NDUFAF6: variants seen among roughly 807,000 people sequenced by gnomAD.
NDUFAF6 encodes NADH dehydrogenase (ubiquinone) complex I, assembly factor 6.
In NDUFAF6, 45 loss-of-function variants were observed where a neutral mutation model predicts 40.8. The observed-to-expected ratio is 1.10, with a 90% CI of 0.87 to 1.42. The LOEUF (loss-of-function observed/expected upper bound fraction) is 1.42, where lower values mean the gene tolerates loss of function less well. Among genes scored for constraint, NDUFAF6 ranks in the 40% most tolerant of loss-of-function variants. The probability of loss-of-function intolerance (pLI) is 0.00; values close to 1 mark genes in which losing one functional copy is unlikely to be tolerated. For missense variants in NDUFAF6, 435 were observed against 418.5 expected, an observed-to-expected ratio of 1.04 and a Z score of -0.34; for synonymous variants, 185 against 155.9, an observed-to-expected ratio of 1.19 and a Z score of -1.39.
chr8:94,994,574 C>A (rs2131625580), intron 2 of NDUFAF6, among the ~76,000 whole-genome samples: 2 of 152,084 alleles, frequency 1.3e-5, no homozygotes, highest in East Asian at 1.9e-4. Flanking sequence ...TGGCTCATGC[C>A]TGTAATTCCA....
At chr8:95,104,745 C>G (rs1809765549), downstream of NDUFAF6, among the ~76,000 whole-genome samples, 4 of 152,282 alleles carry the variant, frequency 2.6e-5, no homozygotes, top group South Asian at 8.3e-4. Context: ...CTCTGTGTTT[C>G]TTTTGTTATG....
At chr8:94,918,672 C>T (rs890696821) in intron 1 of NDUFAF6, among the ~76,000 whole-genome samples, 2 of 152,172 alleles carry the variant, frequency 1.3e-5, no homozygotes, top group African/African-American at 4.8e-5. Context: ...TTTGTATCCC[C>T]AGGTTCACCC....
rs188648072 is a variant in NDUFAF6, at chr8:94,964,664, C to T, written c.-199+6485C>T. On this transcript the variant is annotated intron_variant, in intron 1 of 9. Coordinates refer to the NDUFAF6 transcript ENST00000396111. ...GAGGTGCCAGCTTCCTTTAAACAACCAAATTTCATGTGCACTAATAGAATG... is the reference window on the plus strand; with the variant it reads ...GAGGTGCCAGCTTCCTTTAAACAACTAAATTTCATGTGCACTAATAGAATG... Among the ~76,000 whole-genome samples the T allele has an allele frequency of 7.2e-5, 11 of 152,136 alleles. No homozygotes were observed. In the East Asian group the frequency reaches 2.1e-3, roughly 29 times the overall value.
At chr8:95,007,236 GATAAA>G (rs1827030004) in intron 2 of NDUFAF6, among the ~76,000 whole-genome samples, 2 of 150,654 alleles carry the variant, frequency 1.3e-5, no homozygotes, top group African/African-American at 4.9e-5. Context: ...TTTTTAAAAT[GATAAA>G]ATAAGGTTTT....
chr8:95,117,429 T>C (rs963139685), downstream of NDUFAF6, among the ~76,000 whole-genome samples: 48 of 152,298 alleles, frequency 3.2e-4, no homozygotes, highest in African/African-American at 1.1e-3. Context: ...ATATTTAATA[T>C]CCAATAATCT....
intron 9 of NDUFAF6, chr8:95,072,125 C>G (rs748946003): frequency 6.6e-6 from 1 of 152,242 alleles, no homozygotes; most frequent in Non-Finnish European, 1.5e-5. Context: ...AGCACAATGC[C>G]TGTCTCAATA....
chr8:94,932,353 T>C (rs560819680), intron 1 of NDUFAF6, among the ~76,000 whole-genome samples: 2 of 152,358 alleles, frequency 1.3e-5, no homozygotes, highest in East Asian at 3.9e-4. Context: ...CTGTGCTTTA[T>C]GGTAATATCC....
chr8:94,940,304 A>T (rs1821406043), intron 1 of NDUFAF6: 6 of 1,453,218 alleles, frequency 4.1e-6, no homozygotes, highest in Admixed American at 2.3e-5. Context: ...CAGTCATTAT[A>T]AAGTCACCCA....
chr8:95,027,208 T>A (rs1207537045), intron 1 of NDUFAF6, among the ~76,000 whole-genome samples: 1 of 152,194 alleles, frequency 6.6e-6, no homozygotes, highest in Non-Finnish European at 1.5e-5. Context: ...AGTGACTTAT[T>A]TCAAATGCTG....
intron 2 of NDUFAF6, among the ~76,000 whole-genome samples, chr8:94,984,433 A>G (rs897420106): frequency 6.6e-6 from 1 of 152,246 alleles, no homozygotes; most frequent in Non-Finnish European, 1.5e-5. Flanking sequence ...AAAACTGATA[A>G]TGTTAAGTAT....
At chr8:95,105,421 G>A (rs1340047041), downstream of NDUFAF6, among the ~76,000 whole-genome samples, 1 of 151,778 alleles carries the variant, frequency 6.6e-6, no homozygotes, top group Non-Finnish European at 1.5e-5. Flanking sequence ...GTGCAGTGGT[G>A]CAATCATGGC....
chr8:95,080,666 A>G (rs187979054), downstream of NDUFAF6, among the ~76,000 whole-genome samples: 46 of 151,890 alleles, frequency 3.0e-4, 1 homozygote, highest in African/African-American at 9.9e-4. Context: ...GTATTTTTGT[A>G]GTGTATTTTT....
At chr8:94,946,656 C>T (rs1822019459) in intron 2 of NDUFAF6, among the ~76,000 whole-genome samples, 1 of 126,200 alleles carries the variant, frequency 7.9e-6, no homozygotes, top group African/African-American at 2.9e-5. Flanking sequence ...GTGATCCCAC[C>T]ACTACACTCC....
At chr8:94,948,450 G>A (rs1164089536) in intron 2 of NDUFAF6, among the ~76,000 whole-genome samples, 1 of 152,256 alleles carries the variant, frequency 6.6e-6, no homozygotes, top group Non-Finnish European at 1.5e-5. Context: ...AAGGGCCAAG[G>A]AGAGCGCTCT....
chr8:94,896,532 A>G (rs1045564477), intron 1 of NDUFAF6: 1 of 151,686 alleles, frequency 6.6e-6, no homozygotes, highest in Non-Finnish European at 1.5e-5. Flanking sequence ...CGAGGCGGGG[A>G]ACAGCTCCGG....
At chr8:94,936,662 G>A (rs1294483465) in intron 1 of NDUFAF6, among the ~76,000 whole-genome samples, 1 of 152,106 alleles carries the variant, frequency 6.6e-6, no homozygotes, top group Non-Finnish European at 1.5e-5. Context: ...TTAAAGGGAT[G>A]GCTTCCATAG....
chr8:94,972,596 C>T (rs552506926), intron 1 of NDUFAF6, among the ~76,000 whole-genome samples: 2 of 152,066 alleles, frequency 1.3e-5, no homozygotes, highest in Non-Finnish European at 2.9e-5. Flanking sequence ...AGTTTTTGAT[C>T]ATAAAATTAA....
chr8:95,019,637 AC>A (rs1168713199), intron 2 of NDUFAF6, among the ~76,000 whole-genome samples: 5 of 152,224 alleles, frequency 3.3e-5, no homozygotes, highest in African/African-American at 1.2e-4. Flanking sequence ...CATAGTGGAA[AC>A]CAAAGAGTGA....
intron 1 of NDUFAF6, 122 bp downstream of exon 1, chr8:95,025,327 G>A (rs775967670): frequency 9.6e-7 from 1 of 1,042,564 alleles, no homozygotes; most frequent in Non-Finnish European, 1.3e-6. Flanking sequence ...TGCCCCTCTG[G>A]GTGTGCGTTC....
Sources: gnomAD v4.1 joint callset for allele counts (sites outside exome capture counted in the v4.1 genomes callset) on GRCh38, gnomAD v4.1.1 for gene constraint, MANE v1.5 for transcripts, NCBI Gene and HGNC (gene_info 2026-07-23, HGNC 2026-07-21) for gene names.